The following CLVS1 variants were observed in gnomAD, a reference collection of about 807,000 sequenced individuals.
CLVS1 encodes clavesin 1.
CLVS1 carries 10 observed loss-of-function variants against 33.1 expected under a neutral mutation model. The observed-to-expected ratio is 0.30, with a 90% CI of 0.19 to 0.51. CLVS1 has a LOEUF of 0.51. Among genes scored for constraint, CLVS1 ranks in the 20% least tolerant of loss-of-function variants. The pLI, the probability that CLVS1 is intolerant of heterozygous loss-of-function variation, is 0.97. For synonymous variants in CLVS1, 163 were observed against 166.1 expected (o/e 0.98, Z 0.14); for missense variants, 343 against 433.4 (o/e 0.79, Z 1.85).
intron 5 of CLVS1, 168 bp downstream of exon 5, chr8:61,458,710 C>T (rs778039387): frequency 1.9e-4 from 107 of 567,178 alleles, no homozygotes; most frequent in Non-Finnish European, 2.9e-4. Context: ...ACAAATGGGG[C>T]TTGGCTGGCC....
intron 2 of CLVS1, among the ~76,000 whole-genome samples, chr8:61,357,300 A>G (rs1812755140): frequency 6.6e-6 from 1 of 152,034 alleles, no homozygotes; most frequent in Admixed American, 6.6e-5. Flanking sequence ...TCAACGATCT[A>G]TGGAACTTTC....
At position 61,214,580 on chromosome 8, in the gene CLVS1, C is replaced by T. The variant is rs1034629574; in HGVS notation, c.-152+82720C>T. Among the ~76,000 whole-genome samples the T allele has an allele frequency of 2.0e-5, 3 of 152,200 alleles. No individual in the cohort carries two copies. In the South Asian group the frequency reaches 6.2e-4, roughly 31 times the overall value. ...ATCTAAAGGCCATGAAGAGAGGCCTCAGAAGAAACAAACCTGTTGACATCT... is the reference window on the plus strand; with the variant it reads ...ATCTAAAGGCCATGAAGAGAGGCCTTAGAAGAAACAAACCTGTTGACATCT... On this transcript the variant is annotated intron_variant, in intron 2 of 2. Transcript: ENST00000522621.
At chr8:61,398,703 C>T (rs1217559357) in intron 3 of CLVS1, among the ~76,000 whole-genome samples, 1 of 152,058 alleles carries the variant, frequency 6.6e-6, no homozygotes, top group African/African-American at 2.4e-5. Context: ...CTCCCTCCTC[C>T]CCTAACTAAC....
At chr8:61,366,492 A>G (rs116903078) in intron 2 of CLVS1, among the ~76,000 whole-genome samples, 7 of 152,348 alleles carry the variant, frequency 4.6e-5, no homozygotes, top group Non-Finnish European at 8.8e-5. Flanking sequence ...ATTGTTCTCT[A>G]TAAGCATGAG....
At chr8:61,052,003 C>A in the CLVS1 span, among the ~76,000 whole-genome samples, 1 of 152,240 alleles carries the variant, frequency 6.6e-6, no homozygotes, top group African/African-American at 2.4e-5. Flanking sequence ...ATGGCCTTGG[C>A]CTGGGCTGTG....
At chr8:61,060,294 G>A (rs1804560942) in intron 1 of CLVS1, among the ~76,000 whole-genome samples, 1 of 152,066 alleles carries the variant, frequency 6.6e-6, no homozygotes, top group African/African-American at 2.4e-5. Flanking sequence ...CATTTCTTGA[G>A]CACCCAATCA....
chr8:61,011,190 C>T, the CLVS1 span, among the ~76,000 whole-genome samples: 2 of 152,174 alleles, frequency 1.3e-5, no homozygotes, highest in African/African-American at 4.8e-5. Context: ...CTCTTGAACC[C>T]ACGAGTTTGA....
At chr8:60,969,040 G>A in the CLVS1 span, among the ~76,000 whole-genome samples, 1 of 152,212 alleles carries the variant, frequency 6.6e-6, no homozygotes, top group South Asian at 2.1e-4. Context: ...ACCTTGTGGT[G>A]GAGACAACAA....
chr8:61,247,694 G>A (rs1669898705), intron 2 of CLVS1, among the ~76,000 whole-genome samples: 1 of 152,138 alleles, frequency 6.6e-6, no homozygotes, highest in Non-Finnish European at 1.5e-5. Context: ...CTGGATATTA[G>A]ACCTTTGTCA....
At chr8:61,164,589 C>T (rs1474874919) in intron 2 of CLVS1, among the ~76,000 whole-genome samples, 3 of 152,216 alleles carry the variant, frequency 2.0e-5, no homozygotes, top group Admixed American at 1.3e-4. Context: ...AGTGGGAGGG[C>T]AAGTCCCCCC....
At chr8:61,487,060 C>T (rs562126674) in intron 5 of CLVS1, among the ~76,000 whole-genome samples, 18 of 152,264 alleles carry the variant, frequency 1.2e-4, no homozygotes, top group South Asian at 2.1e-4. Flanking sequence ...TACAAAGCAC[C>T]GAGATCTTGT....
the CLVS1 span, among the ~76,000 whole-genome samples, chr8:61,006,766 G>T: frequency 6.6e-6 from 1 of 152,126 alleles, no homozygotes; most frequent in South Asian, 2.1e-4. Flanking sequence ...TGTTTCTCTT[G>T]TTCCCTGACA....
At chr8:61,127,162 A>G (rs556352222) in intron 1 of CLVS1, among the ~76,000 whole-genome samples, 13 of 152,162 alleles carry the variant, frequency 8.5e-5, no homozygotes, top group African/African-American at 3.1e-4. Context: ...AAGATATGGA[A>G]TCAACTTTGA....
At chr8:61,406,900 C>G (rs753091556) in intron 3 of CLVS1, among the ~76,000 whole-genome samples, 3 of 152,150 alleles carry the variant, frequency 2.0e-5, no homozygotes, top group Non-Finnish European at 4.4e-5. Context: ...CGAGCTGCCG[C>G]GCCAGGCCGA....
intron 2 of CLVS1, among the ~76,000 whole-genome samples, chr8:61,311,540 GC>G (rs1380380336): frequency 6.6e-6 from 1 of 152,144 alleles, no homozygotes; most frequent in East Asian, 1.9e-4. Flanking sequence ...ATCCCTGCGT[GC>G]CCGGGTGGCT....
At chr8:60,975,205 A>G in the CLVS1 span, among the ~76,000 whole-genome samples, 66 of 152,206 alleles carry the variant, frequency 4.3e-4, no homozygotes, top group African/African-American at 1.6e-3. Flanking sequence ...TCCCAGTGCC[A>G]CAGTTGAATG....
At chr8:61,248,225 T>G (rs1440798435) in intron 2 of CLVS1, among the ~76,000 whole-genome samples, 1 of 152,182 alleles carries the variant, frequency 6.6e-6, no homozygotes, top group African/African-American at 2.4e-5. Flanking sequence ...ACATGATTCT[T>G]CCAGCTTTGT....
At chr8:61,143,405 G>T (rs58939992) in intron 2 of CLVS1, among the ~76,000 whole-genome samples, 3,618 of 152,192 alleles carry the variant, frequency 0.024, 138 homozygotes, top group African/African-American at 0.082. Flanking sequence ...TCCTCAAACT[G>T]CTCATTCTGG....
intron 2 of CLVS1, among the ~76,000 whole-genome samples, chr8:61,252,343 A>G (rs1463892380): frequency 6.6e-6 from 1 of 152,024 alleles, no homozygotes; most frequent in Admixed American, 6.6e-5. Flanking sequence ...CCAATTATCC[A>G]GTCAATTTTA....
Sources: gnomAD v4.1 joint callset for allele counts (sites outside exome capture counted in the v4.1 genomes callset) on GRCh38, gnomAD v4.1.1 for gene constraint, MANE v1.5 for transcripts, NCBI Gene and HGNC (gene_info 2026-07-23, HGNC 2026-07-21) for gene names.